KCNN2: variants seen among roughly 807,000 people sequenced by gnomAD.
KCNN2 encodes potassium calcium-activated channel subfamily N member 2.
Under a neutral mutation model 55.5 loss-of-function variants are expected in KCNN2, and 24 were observed. The observed-to-expected ratio is 0.43, with a 90% confidence interval of 0.31 to 0.61. KCNN2 has a LOEUF of 0.61. Among genes scored for constraint, KCNN2 ranks in the 20% least tolerant of loss-of-function variants. The probability of loss-of-function intolerance (pLI) is 0.08; values close to 1 mark genes in which losing one functional copy is unlikely to be tolerated. For synonymous variants in KCNN2, 431 were observed against 336.1 expected, an observed-to-expected ratio of 1.28 and a Z score of -3.09; for missense variants, 754 against 853.6, an observed-to-expected ratio of 0.88 and a Z score of 1.45.
chr5:114,063,730 C>T (rs1426457219), intron 1 of KCNN2, among the ~76,000 whole-genome samples: 1 of 152,152 alleles, frequency 6.6e-6, no homozygotes, highest in Non-Finnish European at 1.5e-5. Context: ...CCAGACCATC[C>T]TGATTTTAGC....
intron 1 of KCNN2, among the ~76,000 whole-genome samples, chr5:114,167,748 C>T (rs1437729725): frequency 6.6e-6 from 1 of 152,096 alleles, no homozygotes; most frequent in African/African-American, 2.4e-5. Flanking sequence ...TTGACTTATG[C>T]ATTCACCTGA....
At chr5:114,091,581 A>G (rs1751144778) in intron 1 of KCNN2, among the ~76,000 whole-genome samples, 1 of 152,152 alleles carries the variant, frequency 6.6e-6, no homozygotes, top group Non-Finnish European at 1.5e-5. Flanking sequence ...TGCAACCTAT[A>G]TTAGTCCATT....
intron 2 of KCNN2, among the ~76,000 whole-genome samples, chr5:114,381,101 CCTAT>C (rs1285672635): frequency 2.4e-4 from 37 of 152,250 alleles, no homozygotes; most frequent in Admixed American, 5.2e-4. Context: ...GATAAAATAA[CCTAT>C]CTTAGAGGAG....
At chr5:114,388,800 A>T (rs1239157072) in intron 2 of KCNN2, among the ~76,000 whole-genome samples, 1 of 151,988 alleles carries the variant, frequency 6.6e-6, no homozygotes, top group African/African-American at 2.4e-5. Flanking sequence ...ACAGTGACTT[A>T]TTCTATATCA....
At chr5:114,342,843 G>A (rs1433032457) in intron 2 of KCNN2, among the ~76,000 whole-genome samples, 2 of 152,132 alleles carry the variant, frequency 1.3e-5, no homozygotes, top group Non-Finnish European at 1.5e-5. Flanking sequence ...TTGCCCTGAT[G>A]TGTTTTTGTC....
intron 1 of KCNN2, among the ~76,000 whole-genome samples, chr5:114,122,669 G>A (rs116190749): frequency 9.4e-4 from 143 of 152,172 alleles, no homozygotes; most frequent in African/African-American, 3.4e-3. Context: ...TTTTGAGCTT[G>A]GACTCAAAGC....
intron 1 of KCNN2, among the ~76,000 whole-genome samples, chr5:114,068,348 A>G (rs1328368100): frequency 6.6e-6 from 1 of 152,190 alleles, no homozygotes; most frequent in African/African-American, 2.4e-5. Flanking sequence ...GTATGGAAGA[A>G]ATTTGGAGTT....
chr5:114,159,131 C>T (rs961369397), intron 1 of KCNN2, among the ~76,000 whole-genome samples: 4 of 152,142 alleles, frequency 2.6e-5, no homozygotes, highest in Non-Finnish European at 5.9e-5. Flanking sequence ...ATGATATTGG[C>T]TGTGGTTTTG....
At chr5:114,253,695 C>T (rs971856581) in intron 2 of KCNN2, 2 of 152,146 alleles carry the variant, frequency 1.3e-5, no homozygotes, top group Non-Finnish European at 2.9e-5. Flanking sequence ...GCTGCGTTCC[C>T]CTGCTGGAAC....
chr5:114,421,227 A>C (rs1322987185), intron 3 of KCNN2, among the ~76,000 whole-genome samples: 1 of 50,026 alleles, frequency 2.0e-5, no homozygotes, highest in Non-Finnish European at 4.0e-5. Flanking sequence ...GAAATTTTAC[A>C]AAAAAAAAAG....
At chr5:114,142,854 G>C (rs1470709984) in intron 1 of KCNN2, among the ~76,000 whole-genome samples, 1 of 152,132 alleles carries the variant, frequency 6.6e-6, no homozygotes, top group Non-Finnish European at 1.5e-5. Flanking sequence ...TCACAGAATT[G>C]TAAAAAACTA....
At chr5:114,260,829 T>A (rs1225508489) in intron 2 of KCNN2, among the ~76,000 whole-genome samples, 1 of 152,146 alleles carries the variant, frequency 6.6e-6, no homozygotes, top group Non-Finnish European at 1.5e-5. Flanking sequence ...ATATGTAAAA[T>A]GGGCAGTGCT....
chr5:114,395,608 A>C (rs993654853), intron 2 of KCNN2, among the ~76,000 whole-genome samples: 1 of 152,236 alleles, frequency 6.6e-6, no homozygotes, highest in Non-Finnish European at 1.5e-5. Context: ...TAATGAGAAT[A>C]GTTCTACGGT....
At chr5:114,316,741 C>G (rs574459340) in intron 2 of KCNN2, among the ~76,000 whole-genome samples, 75 of 152,318 alleles carry the variant, frequency 4.9e-4, no homozygotes, top group African/African-American at 1.7e-3. Context: ...ATATCGCTAT[C>G]TAGTCCAGCC....
chr5:114,190,208 T>A (rs1272415529), intron 1 of KCNN2, among the ~76,000 whole-genome samples: 1 of 152,044 alleles, frequency 6.6e-6, no homozygotes, highest in Non-Finnish European at 1.5e-5. Context: ...AAGATGTGCA[T>A]ACCTTGTTAC....
chr5:114,481,988 C>G lies in KCNN2; in HGVS notation c.1891-5062C>G, dbSNP rs151313824. ...ATAGTCACGGGCAAAGATTTTATGACAGAAATGCCAAAAGCAATTGCAACA... is the reference window on the plus strand; with the variant it reads ...ATAGTCACGGGCAAAGATTTTATGAGAGAAATGCCAAAAGCAATTGCAACA... On this transcript the variant is annotated intron_variant, in intron 5 of 7. Coordinates refer to ENST00000673685, the MANE Select transcript of KCNN2 (RefSeq NM_021614.4). Among the ~76,000 whole-genome samples the G allele has an allele frequency of 3.2e-3, 482 of 152,202 alleles. 3 individuals are homozygous for G. Among genetic ancestry groups the G allele is most frequent in the African/African-American group, 0.011 (452 of 41,528 alleles).
rs1759274526 is a variant in KCNN2 at position 114,415,412 on chromosome 5, G to A, written c.1637+10556G>A. On this transcript the variant is annotated intron_variant, in intron 3 of 7. Coordinates refer to ENST00000673685, the MANE Select transcript of KCNN2 (RefSeq NM_021614.4). ...GTTTTATCACATCCTTGACAACATT[G>A]TCAGTTGTGTGCGTGTGTGTGTGTA... 2.0e-5 allele frequency among the ~76,000 whole-genome samples: 3 copies of A among 152,152 alleles called. No homozygotes were observed. In the South Asian group the frequency reaches 6.2e-4, roughly 31 times the overall value.
At chr5:114,412,677 A>C (rs2150075610) in intron 3 of KCNN2, among the ~76,000 whole-genome samples, 1 of 152,128 alleles carries the variant, frequency 6.6e-6, no homozygotes, top group Admixed American at 6.5e-5. Flanking sequence ...TTTATTTTGT[A>C]TTTTCAGGAG....
intron 1 of KCNN2, among the ~76,000 whole-genome samples, chr5:114,085,068 A>ATATG (rs1293519300): frequency 1.8e-3 from 273 of 150,804 alleles, no homozygotes; most frequent in African/African-American, 6.3e-3. Context: ...ATATATATAT[A>ATATG]TGTGTGTGTC....
Sources: gnomAD v4.1 joint callset for allele counts (sites outside exome capture counted in the v4.1 genomes callset) on GRCh38, gnomAD v4.1.1 for gene constraint, MANE v1.5 for transcripts, NCBI Gene and HGNC (gene_info 2026-07-23, HGNC 2026-07-21) for gene names.